Variants in SLC44A5 observed in about 807,000 individuals in gnomAD.
SLC44A5 encodes the protein solute carrier family 44 member 5.
Under a neutral mutation model 101.8 loss-of-function variants are expected in SLC44A5, and 57 were observed. The observed-to-expected ratio is 0.56, with a 90% confidence interval of 0.45 to 0.70. The LOEUF is 0.70. Among genes scored for constraint, SLC44A5 ranks in the 30% least tolerant of loss-of-function variants. The pLI is 0.00. For missense variants in SLC44A5, 737 were observed against 853.1 expected (o/e 0.86, Z 1.70); for synonymous variants, 281 against 290.9 (o/e 0.97, Z 0.35).
At chr1:75,474,070 C>T (rs1402660943) in intron 2 of SLC44A5, among the ~76,000 whole-genome samples, 3 of 152,138 alleles carry the variant, frequency 2.0e-5, no homozygotes, top group African/African-American at 4.8e-5. Flanking sequence ...AGCAGATTTG[C>T]TGCTTCATTG....
chr1:75,215,910 A>C, intron 18 of SLC44A5, 53 bp from the exon 19 acceptor site: 1 of 950,214 alleles, frequency 1.1e-6, no homozygotes, highest in Non-Finnish European at 1.7e-6. Context: ...GAACCTTATC[A>C]GTCAAAATAA....
rs570631547 is a variant in SLC44A5 at position 75,488,690 on chromosome 1, A to T, written c.13+52745T>A. Among the ~76,000 whole-genome samples the T allele has an allele frequency of 9.8e-5, 15 of 152,298 alleles. No homozygotes were observed. The East Asian group carries it at 2.1e-3, about 22-fold the overall frequency. On this transcript the variant is annotated intron_variant, in intron 2 of 23. Coordinates refer to ENST00000370859, the MANE Select transcript of SLC44A5 (RefSeq NM_001130058.2). ...ATACTTGAACTTTAATTATTTTTTT[A>T]AAAAATCATTTATTTCCCTAAGATG...
the SLC44A5 span, among the ~76,000 whole-genome samples, chr1:75,662,062 C>T: frequency 6.6e-6 from 1 of 152,104 alleles, no homozygotes; most frequent in Non-Finnish European, 1.5e-5. Flanking sequence ...TTTATAGCAC[C>T]ACTATTCAAA....
intron 2 of SLC44A5, among the ~76,000 whole-genome samples, chr1:75,539,791 A>G (rs1671253694): frequency 6.6e-6 from 1 of 152,214 alleles, no homozygotes. Context: ...GGAAATGTTT[A>G]AAAAGTAGAC....
chr1:75,257,819 G>T (rs1255481093), intron 6 of SLC44A5, among the ~76,000 whole-genome samples: 1 of 152,082 alleles, frequency 6.6e-6, no homozygotes, highest in East Asian at 1.9e-4. Context: ...CTCAGAAAAA[G>T]GGTGATTTCT....
At chr1:75,427,601 T>C (rs1424418542) in intron 2 of SLC44A5, among the ~76,000 whole-genome samples, 3 of 152,150 alleles carry the variant, frequency 2.0e-5, no homozygotes, top group Admixed American at 2.0e-4. Context: ...GATATAACAA[T>C]ACAGTTTAGT....
At chr1:75,587,595 G>A (rs1674084752) in intron 1 of SLC44A5, among the ~76,000 whole-genome samples, 1 of 152,118 alleles carries the variant, frequency 6.6e-6, no homozygotes, top group African/African-American at 2.4e-5. Flanking sequence ...TGTTGTTTTG[G>A]TAATAAATTT....
At chr1:75,700,749 T>C in the SLC44A5 span, among the ~76,000 whole-genome samples, 1 of 152,110 alleles carries the variant, frequency 6.6e-6, no homozygotes, top group Non-Finnish European at 1.5e-5. Flanking sequence ...ACAAAATTGA[T>C]AGACTGCTAG....
intron 3 of SLC44A5, among the ~76,000 whole-genome samples, chr1:75,369,261 T>C (rs542038105): frequency 6.6e-6 from 1 of 152,178 alleles, no homozygotes; most frequent in South Asian, 2.1e-4. Context: ...CAAGCTATCC[T>C]CCTTCCTCAG....
the SLC44A5 span, among the ~76,000 whole-genome samples, chr1:75,684,809 C>T: frequency 6.6e-6 from 1 of 152,146 alleles, no homozygotes; most frequent in Non-Finnish European, 1.5e-5. Flanking sequence ...GTCAGTGGTT[C>T]TACCATTCCG....
At chr1:75,498,050 A>G (rs1223667423) in intron 2 of SLC44A5, among the ~76,000 whole-genome samples, 1 of 152,180 alleles carries the variant, frequency 6.6e-6, no homozygotes, top group Admixed American at 6.6e-5. Context: ...GTTGAGGAGG[A>G]GGATAAGAAT....
At chr1:75,487,040 G>A (rs1030751653) in intron 2 of SLC44A5, among the ~76,000 whole-genome samples, 1 of 152,102 alleles carries the variant, frequency 6.6e-6, no homozygotes, top group African/African-American at 2.4e-5. Flanking sequence ...CAATAATAGG[G>A]ATTCTGGAGA....
chr1:75,396,628 A>G lies in SLC44A5; in HGVS notation c.14-7T>C. The G allele has an allele frequency of 1.2e-6, 2 of 1,612,384 alleles. No homozygotes were observed. The highest frequency in any genetic ancestry group is 1.7e-6 in the Non-Finnish European group (2 of 1,178,838). ...GGAGTATCTGCTGGTTTTTCTAGGA[A>G]AAAGCACAAAAGGCAAAAAAAATAT... On this transcript the variant is annotated splice_region_variant and splice_polypyrimidine_tract_variant and intron_variant, in intron 2 of 23. Coordinates refer to ENST00000370859, the MANE Select transcript of SLC44A5 (RefSeq NM_001130058.2).
At chr1:75,369,326 C>A (rs1660076006) in intron 3 of SLC44A5, among the ~76,000 whole-genome samples, 1 of 152,098 alleles carries the variant, frequency 6.6e-6, no homozygotes, top group Non-Finnish European at 1.5e-5. Context: ...CTTCTTCTTA[C>A]TATTTACATA....
Position 75,243,029 on chromosome 1 carries a change from G to A in SLC44A5, c.346-18C>T. The A allele has an allele frequency of 1.9e-6, 3 of 1,606,726 alleles. No individual in the cohort carries two copies. The highest frequency in any genetic ancestry group is 2.5e-6 in the Non-Finnish European group (3 of 1,176,710). On this transcript the variant is annotated intron_variant, in intron 7 of 23. Transcript: ENST00000370859. ...ACACAGATCTGTGAACGAACAAAGTGATGAGAACTGAACTGAGTTGAACAA... is the reference window on the plus strand; with the variant it reads ...ACACAGATCTGTGAACGAACAAAGTAATGAGAACTGAACTGAGTTGAACAA...
rs569677820 is a variant in SLC44A5 at position 75,453,795 on chromosome 1, C to T, written c.14-57174G>A. On this transcript the variant is annotated intron_variant, in intron 2 of 23. Transcript: ENST00000370859. ...CCTTTATGCACAGAAACTAGAAAATCTAGAGGAAATGTATAAATGCCTTGA... is the reference window on the plus strand; with the variant it reads ...CCTTTATGCACAGAAACTAGAAAATTTAGAGGAAATGTATAAATGCCTTGA... Among the ~76,000 whole-genome samples the T allele has an allele frequency of 2.0e-5, 3 of 152,186 alleles. No individual in the cohort carries two copies. In the East Asian group the frequency reaches 5.8e-4, roughly 29 times the overall value.
At chr1:75,232,048 G>A (rs1647621577) in intron 12 of SLC44A5, among the ~76,000 whole-genome samples, 1 of 152,074 alleles carries the variant, frequency 6.6e-6, no homozygotes, top group Non-Finnish European at 1.5e-5. Flanking sequence ...TAGTAGCAGA[G>A]GTCAGTTACA....
chr1:75,336,874 G>T (rs1657486186), intron 4 of SLC44A5, among the ~76,000 whole-genome samples: 1 of 152,128 alleles, frequency 6.6e-6, no homozygotes, highest in Non-Finnish European at 1.5e-5. Flanking sequence ...TATTCCATGA[G>T]ACCTAGTAAT....
At chr1:75,636,209 T>C in the SLC44A5 span, among the ~76,000 whole-genome samples, 1 of 152,056 alleles carries the variant, frequency 6.6e-6, no homozygotes, top group Admixed American at 6.6e-5. Flanking sequence ...TTAACTTTTC[T>C]GAACTGTTAT....
Sources: gnomAD v4.1 joint callset for allele counts (sites outside exome capture counted in the v4.1 genomes callset) on GRCh38, gnomAD v4.1.1 for gene constraint, MANE v1.5 for transcripts, NCBI Gene and HGNC (gene_info 2026-07-23, HGNC 2026-07-21) for gene names.